TXNDC16: variants seen among roughly 807,000 people sequenced by gnomAD.
The protein encoded by TXNDC16 is thioredoxin domain-containing protein 16.
A neutral mutation model predicts 85.6 loss-of-function variants in TXNDC16; 74 were observed. The ratio of observed to expected loss-of-function variants is 0.86; its 90% CI spans 0.72 to 1.05. The LOEUF is 1.05. Among genes scored for constraint, TXNDC16 ranks in the 50% least tolerant of loss-of-function variants. TXNDC16 has a pLI of 0.00. For missense variants in TXNDC16, 959 were observed against 947.0 expected (o/e 1.01, Z -0.17); for synonymous variants, 335 against 326.5 (o/e 1.03, Z -0.28).
intron 6 of TXNDC16, among the ~76,000 whole-genome samples, chr14:52,520,078 T>C (rs1279835683): frequency 6.6e-6 from 1 of 152,216 alleles, no homozygotes; most frequent in Non-Finnish European, 1.5e-5. Flanking sequence ...ATTTATTGAA[T>C]GAATGAAAGA....
In TXNDC16 at chr14:52,474,956, AG is replaced by A. The variant is rs539023975; in HGVS notation, c.1313-4277del. On this transcript the variant is annotated intron_variant, in intron 14 of 20. Coordinates refer to ENST00000281741, the MANE Select transcript of TXNDC16 (RefSeq NM_020784.3). The stretch of plus-strand genomic sequence containing the variant: ...CTCTGAAGGAAGTGATTGCACCTGC[AG>A]GACCTGGGAGACACCCCAAATACTG... Among the ~76,000 whole-genome samples the A allele has an allele frequency of 1.3e-3, 202 of 152,326 alleles. 1 individual carries two copies. The highest frequency in any genetic ancestry group is 4.8e-3 in the African/African-American group (200 of 41,572).
At chr14:52,483,864 T>C (rs942002579) in intron 12 of TXNDC16, among the ~76,000 whole-genome samples, 2 of 152,154 alleles carry the variant, frequency 1.3e-5, no homozygotes, top group African/African-American at 4.8e-5. Context: ...AGATGGAGCA[T>C]ATAACTTGAT....
chr14:52,504,255 A>T (rs1448449018), intron 9 of TXNDC16, among the ~76,000 whole-genome samples: 7 of 152,206 alleles, frequency 4.6e-5, no homozygotes, highest in Admixed American at 4.6e-4. Flanking sequence ...AACAACTCCA[A>T]GACACATAAT....
At chr14:52,517,708 CCT>C (rs1044229362) in intron 7 of TXNDC16, among the ~76,000 whole-genome samples, 24 of 152,198 alleles carry the variant, frequency 1.6e-4, no homozygotes, top group African/African-American at 3.9e-4. Context: ...CCAACTCCCC[CCT>C]TTTTCCTGTG....
At chr14:52,536,536 CTTTGCCATTAAAAAAT>C (rs2037704475) in intron 6 of TXNDC16, among the ~76,000 whole-genome samples, 167 bp downstream of exon 6, 1 of 152,148 alleles carries the variant, frequency 6.6e-6, no homozygotes, top group Admixed American at 6.5e-5. Flanking sequence ...CTTCTGTATC[CTTTGCCATTAAAAAAT>C]TTTTTAGATC....
chr14:52,532,637 C>T (rs960964102), intron 6 of TXNDC16, among the ~76,000 whole-genome samples: 1 of 151,980 alleles, frequency 6.6e-6, no homozygotes, highest in African/African-American at 2.4e-5. Context: ...AGGGTTTCAC[C>T]GTGTTAGCCA....
intron 14 of TXNDC16, among the ~76,000 whole-genome samples, chr14:52,481,799 C>T (rs2036156830): frequency 6.6e-6 from 1 of 152,100 alleles, no homozygotes; most frequent in Non-Finnish European, 1.5e-5. Context: ...AGCATTCCAT[C>T]CATGAGGAGT....
intron 1 of TXNDC16, among the ~76,000 whole-genome samples, chr14:52,550,600 C>T (rs1329369235): frequency 1.3e-5 from 2 of 152,140 alleles, no homozygotes; most frequent in African/African-American, 4.8e-5. Flanking sequence ...GCCTCACAGG[C>T]CAAGACCTAA....
chr14:52,467,033 ACT>A (rs1392461603), intron 16 of TXNDC16, among the ~76,000 whole-genome samples: 1 of 152,042 alleles, frequency 6.6e-6, no homozygotes, highest in Non-Finnish European at 1.5e-5. Flanking sequence ...CAGAGACTTG[ACT>A]CTATATTCAA....
At chr14:52,530,907 C>A (rs1474748690) in intron 6 of TXNDC16, among the ~76,000 whole-genome samples, 1 of 151,546 alleles carries the variant, frequency 6.6e-6, no homozygotes, top group Admixed American at 6.6e-5. Flanking sequence ...AGACAAGCAA[C>A]AAACTGGCTT....
At chr14:52,544,004 C>G (rs1330941764) in intron 2 of TXNDC16, among the ~76,000 whole-genome samples, 1 of 151,906 alleles carries the variant, frequency 6.6e-6, no homozygotes, top group Admixed American at 6.6e-5. Context: ...TTATTTAATA[C>G]CATTTAGATG....
chr14:52,532,461 G>C (rs908514875), intron 6 of TXNDC16, among the ~76,000 whole-genome samples: 1 of 151,656 alleles, frequency 6.6e-6, no homozygotes, highest in African/African-American at 2.4e-5. Context: ...TTTTGAGACA[G>C]AGTCTCAGTC....
At chr14:52,525,284 G>A (rs1566577846) in intron 6 of TXNDC16, among the ~76,000 whole-genome samples, 1 of 151,864 alleles carries the variant, frequency 6.6e-6, no homozygotes, top group Non-Finnish European at 1.5e-5. Flanking sequence ...GGCAAAATCC[G>A]TAACACATTA....
chr14:52,525,321 A>C (rs1473548211), intron 6 of TXNDC16, among the ~76,000 whole-genome samples: 1 of 152,140 alleles, frequency 6.6e-6, no homozygotes, highest in African/African-American at 2.4e-5. Context: ...TGATCATCGC[A>C]ATAATCTCAT....
intron 2 of TXNDC16, 88 bp from the exon 3 acceptor site, chr14:52,543,718 T>A: frequency 1.3e-6 from 1 of 766,128 alleles, no homozygotes; most frequent in Non-Finnish European, 2.0e-6. Flanking sequence ...AGAAAGTCAT[T>A]AGTCACATCA....
At chr14:52,441,374 C>T (rs146720608) in intron 18 of TXNDC16, among the ~76,000 whole-genome samples, 273 of 152,078 alleles carry the variant, frequency 1.8e-3, no homozygotes, top group African/African-American at 6.0e-3. Flanking sequence ...TTTGGGAGGC[C>T]GACGCAGGCA....
intron 8 of TXNDC16, among the ~76,000 whole-genome samples, chr14:52,514,563 C>T (rs1239103988): frequency 1.3e-5 from 2 of 152,142 alleles, no homozygotes; most frequent in Non-Finnish European, 2.9e-5. Context: ...ATTTTGAAAG[C>T]TGTTATTTTA....
chr14:52,543,682 G>A (rs2037883216), intron 2 of TXNDC16, 52 bp from the exon 3 acceptor site: 3 of 1,053,202 alleles, frequency 2.8e-6, no homozygotes, highest in Admixed American at 3.2e-5. Context: ...TTTGTTAAAT[G>A]AATGAATGAA....
chr14:52,507,198 T>C (rs1323085742), intron 9 of TXNDC16, among the ~76,000 whole-genome samples: 1 of 152,108 alleles, frequency 6.6e-6, no homozygotes, highest in East Asian at 1.9e-4. Flanking sequence ...CTTAAGCTGA[T>C]AGGCAACTTC....
Sources: gnomAD v4.1 joint callset for allele counts (sites outside exome capture counted in the v4.1 genomes callset) on GRCh38, gnomAD v4.1.1 for gene constraint, MANE v1.5 for transcripts, NCBI Gene and HGNC (gene_info 2026-07-23, HGNC 2026-07-21) for gene names.